COL5A2: variants seen among roughly 807,000 people sequenced by gnomAD.
COL5A2 encodes the protein collagen type V alpha 2 chain, also known as collagen alpha-2(V) chain.
In COL5A2, 23 loss-of-function variants were observed where a neutral mutation model predicts 208.2. The ratio of observed to expected loss-of-function variants is 0.11; its 90% CI spans 0.08 to 0.16. The LOEUF (loss-of-function observed/expected upper bound fraction) is 0.16. Ranked by LOEUF, COL5A2 falls within the 10% of genes least tolerant of loss-of-function variation. The pLI is 1.00. For missense variants in COL5A2, 1,590 were observed against 1,956.4 expected, an observed-to-expected ratio of 0.81 and a Z score of 3.53; for synonymous variants, 625 against 628.5, an observed-to-expected ratio of 0.99 and a Z score of 0.08.
the COL5A2 span, among the ~76,000 whole-genome samples, chr2:189,301,664 T>C: frequency 1.3e-5 from 2 of 152,138 alleles, no homozygotes; most frequent in African/African-American, 4.8e-5. Flanking sequence ...ACTCAAAAGA[T>C]GAACTTCACC....
chr2:189,125,821 G>T (rs541419739), intron 1 of COL5A2, among the ~76,000 whole-genome samples: 2 of 151,948 alleles, frequency 1.3e-5, no homozygotes, highest in African/African-American at 4.8e-5. Context: ...GGTTATTGGC[G>T]CCCATAACCC....
chr2:189,374,186 T>C, the COL5A2 span, among the ~76,000 whole-genome samples: 1 of 152,144 alleles, frequency 6.6e-6, no homozygotes, highest in African/African-American at 2.4e-5. Flanking sequence ...AAAAATTAAA[T>C]GACACATAGT....
chr2:189,142,390 C>A (rs894898721), intron 1 of COL5A2, among the ~76,000 whole-genome samples: 1 of 151,970 alleles, frequency 6.6e-6, no homozygotes, highest in Non-Finnish European at 1.5e-5. Flanking sequence ...CTGTGCATAT[C>A]ATTTACCAAT....
the COL5A2 span, among the ~76,000 whole-genome samples, chr2:189,269,010 C>T: frequency 1.3e-5 from 2 of 152,070 alleles, no homozygotes; most frequent in South Asian, 2.1e-4. Flanking sequence ...TAAGGAAATG[C>T]AATGAGAGAT....
At chr2:189,304,716 G>A in the COL5A2 span, among the ~76,000 whole-genome samples, 4 of 152,262 alleles carry the variant, frequency 2.6e-5, no homozygotes, top group African/African-American at 7.2e-5. Context: ...CATGAGAATT[G>A]GGCAGGGACA....
intron 6 of COL5A2, 40 bp downstream of exon 6, chr2:189,097,237 G>A: frequency 1.9e-6 from 3 of 1,598,162 alleles, no homozygotes; most frequent in East Asian, 2.2e-5. Context: ...TAAACTGACT[G>A]GCTGTACGTT....
At chr2:189,051,668 T>C (rs1018506460) in intron 41 of COL5A2, among the ~76,000 whole-genome samples, 187 bp from the exon 42 acceptor site, 1 of 152,178 alleles carries the variant, frequency 6.6e-6, no homozygotes, top group Admixed American at 6.5e-5. Flanking sequence ...TGTAGATTCA[T>C]TCCCCAGGGG....
chr2:189,347,681 A>G, the COL5A2 span, among the ~76,000 whole-genome samples: 1 of 152,142 alleles, frequency 6.6e-6, no homozygotes, highest in Admixed American at 6.6e-5. Context: ...TGACATTTGC[A>G]AGTTAAGATT....
intron 1 of COL5A2, among the ~76,000 whole-genome samples, chr2:189,125,346 T>A (rs2105743466): frequency 6.6e-6 from 1 of 152,308 alleles, no homozygotes; most frequent in African/African-American, 2.4e-5. Flanking sequence ...TCCCTGGGAA[T>A]TAGGAATTCT....
At chr2:189,219,431 T>A (rs908817779) in intron 1 of COL5A2, among the ~76,000 whole-genome samples, 1 of 152,194 alleles carries the variant, frequency 6.6e-6, no homozygotes, top group Non-Finnish European at 1.5e-5. Flanking sequence ...CAAATTTATA[T>A]TTGTAATTTT....
the COL5A2 span, among the ~76,000 whole-genome samples, chr2:189,357,525 A>G: frequency 2.0e-5 from 3 of 151,900 alleles, no homozygotes; most frequent in Non-Finnish European, 4.4e-5. Context: ...TGAGGGTAAA[A>G]CCGCCTACTC....
At chr2:189,365,213 G>A in the COL5A2 span, among the ~76,000 whole-genome samples, 2 of 152,242 alleles carry the variant, frequency 1.3e-5, no homozygotes, top group Non-Finnish European at 2.9e-5. Context: ...TAAAAGGGCT[G>A]CCAAAATTAT....
chr2:189,288,276 T>A, the COL5A2 span, among the ~76,000 whole-genome samples: 31 of 152,344 alleles, frequency 2.0e-4, 1 homozygote, highest in East Asian at 5.8e-3. Context: ...GTCTTTCTCC[T>A]GCACATTATA....
intron 1 of COL5A2, among the ~76,000 whole-genome samples, chr2:189,121,538 G>A (rs561976768): frequency 6.6e-6 from 1 of 152,114 alleles, no homozygotes; most frequent in Non-Finnish European, 1.5e-5. Context: ...CGGGCCAGCA[G>A]TCCAGAAGCC....
intron 52 of COL5A2, 81 bp from the exon 53 acceptor site, chr2:189,035,236 A>G (rs1685420990): frequency 1.3e-6 from 2 of 1,552,798 alleles, no homozygotes; most frequent in Non-Finnish European, 8.8e-7. Context: ...AAATATATAA[A>G]TTGATTTCAG....
the COL5A2 span, among the ~76,000 whole-genome samples, chr2:189,292,196 T>G: frequency 6.6e-6 from 1 of 152,206 alleles, no homozygotes. Context: ...GCCACATATA[T>G]TGTATGGAAG....
chr2:189,293,636 A>T, the COL5A2 span, among the ~76,000 whole-genome samples: 1 of 152,208 alleles, frequency 6.6e-6, no homozygotes. Flanking sequence ...GAGACCCCAG[A>T]GAGCTAGCTA....
chr2:189,217,247 A>T (rs1451127615), intron 1 of COL5A2, among the ~76,000 whole-genome samples: 1 of 152,174 alleles, frequency 6.6e-6, no homozygotes, highest in Admixed American at 6.6e-5. Context: ...CTTTAAAAGG[A>T]CCGTAATCAG....
intron 1 of COL5A2, among the ~76,000 whole-genome samples, chr2:189,170,245 C>A (rs4998559): frequency 0.58 from 88,893 of 151,956 alleles, 27,399 homozygotes; most frequent in East Asian, 0.72. Flanking sequence ...AATTTGAATT[C>A]GGATCACTCA....
Sources: allele counts gnomAD v4.1 joint callset (sites outside exome capture counted in the v4.1 genomes callset), GRCh38; gene constraint gnomAD v4.1.1; transcripts MANE v1.5; gene names NCBI Gene and HGNC (gene_info 2026-07-23, HGNC 2026-07-21).